Variants in ZC3H15 observed in about 807,000 individuals in gnomAD.
ZC3H15 encodes the protein zinc finger CCCH domain-containing protein 15.
A neutral mutation model predicts 51.2 loss-of-function variants in ZC3H15; 15 were observed. That is an observed-to-expected ratio of 0.29 (90% confidence interval 0.20 to 0.45). The LOEUF is 0.45. Ranked by LOEUF, ZC3H15 falls within the 20% of genes least tolerant of loss-of-function variation. ZC3H15 has a pLI of 1.00. For synonymous variants in ZC3H15, 144 were observed against 162.8 expected, an observed-to-expected ratio of 0.88 and a Z score of 0.88; for missense variants, 381 against 494.7, an observed-to-expected ratio of 0.77 and a Z score of 2.18.
intron 1 of ZC3H15, 58 bp from the exon 2 acceptor site, chr2:186,495,175 G>T: frequency 1.1e-6 from 1 of 942,242 alleles, no homozygotes; most frequent in Non-Finnish European, 1.5e-6. Context: ...AGATATCATT[G>T]GAGGATATAT....
In ZC3H15 at chr2:186,506,843, A is replaced by C. The variant is rs367640839; in HGVS notation, c.1090+7A>C. 2 of 1,606,170 alleles carry C rather than the reference A, an allele frequency of 1.2e-6. No homozygotes were observed. Among genetic ancestry groups the C allele is most frequent in the African/African-American group, 1.3e-5 (1 of 74,448 alleles). ...TATACTTCAGATAAAGATGGTAAGT[A>C]TGCTAACTTTTGCCTAATTTTAAGA... is the stretch of plus-strand genomic sequence containing the variant. On this transcript the variant is annotated splice_region_variant and intron_variant, in intron 9 of 9. Transcript: ENST00000337859.
At chr2:186,486,655 A>G (rs891031767) in intron 1 of ZC3H15, among the ~76,000 whole-genome samples, 198 bp downstream of exon 1, 1 of 152,040 alleles carries the variant, frequency 6.6e-6, no homozygotes, top group African/African-American at 2.4e-5. Flanking sequence ...GCGCCCCCGC[A>G]CCTGGGCTTT....
chr2:186,492,306 G>A (rs1006611423), intron 1 of ZC3H15, among the ~76,000 whole-genome samples: 6 of 152,172 alleles, frequency 3.9e-5, no homozygotes, highest in Admixed American at 2.0e-4. Context: ...TCATCTGTAT[G>A]TATCACATTA....
chr2:186,504,130 T>C lies in ZC3H15; in HGVS notation c.633T>C (p.Leu211=). Residue 211 remains leucine (L), a synonymous_variant, in exon 6 of 10, where the codon CTT becomes CTC. Transcript: ENST00000337859. ...GGDICMYRHA[L]PPGFVLKKDK... Reference sequence around the variant, plus strand: ...ATATTTGCATGTATCGTCATGCACTTCCTCCTGGATTTGTGTTGAAAAAAG... The same window carrying C: ...ATATTTGCATGTATCGTCATGCACTCCCTCCTGGATTTGTGTTGAAAAAAG... 1 of 1,610,932 alleles carries C rather than the reference T, an allele frequency of 6.2e-7. No homozygotes were observed.
At position 186,486,581 on chromosome 2, in the gene ZC3H15, G is replaced by A. The variant is rs1308144104; in HGVS notation, c.75+124G>A. ...CGTGTTCCTCCCTTAGGCCTGTGTG[G>A]CCCACTGCCCCTTCTCCAGCCCCTG... On this transcript the variant is annotated intron_variant, in intron 1 of 9. Transcript: ENST00000337859. The A allele has an allele frequency of 9.3e-6, 9 of 970,906 alleles. No homozygotes were observed. In the Admixed American group the frequency reaches 2.1e-4, roughly 22 times the overall value. The allele number at this position is 970,906 out of a possible 1,614,324, so 60.1% of individuals were successfully genotyped here.
In ZC3H15 at chr2:186,508,810, G is replaced by A; in HGVS notation, c.*77G>A. On this transcript the variant is annotated 3_prime_UTR_variant, in exon 10 of 10. Transcript: ENST00000337859. ...GACTACATTAATTTCTTTCCACCTAGAATCAACAGGATGTTTATTTCCTAT... is the reference window on the plus strand; with the variant it reads ...GACTACATTAATTTCTTTCCACCTAAAATCAACAGGATGTTTATTTCCTAT... The A allele has an allele frequency of 6.9e-7, 1 of 1,458,506 alleles. No homozygotes were observed. Among genetic ancestry groups the A allele is most frequent in the South Asian group, 1.2e-5 (1 of 80,022 alleles). The allele number at this position is 1,458,506 out of a possible 1,614,324, so 90.3% of individuals were successfully genotyped here.
Position 186,501,290 on chromosome 2 carries a change from G to C in ZC3H15, c.307G>C (p.Val103Leu). The change falls in exon 4 of 10, where the codon GTA becomes CTA. Residue 103 changes from valine to leucine, a missense_variant. Transcript: ENST00000337859. ...KISKGADPKS[V>L]VCAFFKQGQC... The stretch of plus-strand genomic sequence containing the variant: ...TGACATAGGTGCAGATCCCAAGTCT[G>C]TAGTATGTGCATTCTTCAAGCAAGG... 13 of 1,609,872 alleles carry C rather than the reference G, an allele frequency of 8.1e-6. No homozygotes were observed. Among genetic ancestry groups the C allele is most frequent in the Non-Finnish European group, 1.1e-5 (13 of 1,178,046 alleles).
Position 186,500,175 on chromosome 2 carries a change from A to G in ZC3H15, c.178-7A>G. 1 of 1,592,456 alleles carries G rather than the reference A, an allele frequency of 6.3e-7. No homozygotes were observed. The highest frequency in any genetic ancestry group is 8.5e-7 in the Non-Finnish European group (1 of 1,174,428). ...AAATTTACATTTTAAACCTGGGAATATTATAGGTAGCACAGAGTGAAGCTG... is the reference window on the plus strand; with the variant it reads ...AAATTTACATTTTAAACCTGGGAATGTTATAGGTAGCACAGAGTGAAGCTG... On this transcript the variant is annotated splice_polypyrimidine_tract_variant and splice_region_variant and intron_variant, in intron 2 of 9. Transcript: ENST00000337859.
In ZC3H15 at chr2:186,505,403, A is replaced by G. The variant is rs1038621977; in HGVS notation, c.718-48A>G. On this transcript the variant is annotated intron_variant, in intron 6 of 9. Transcript: ENST00000337859. ...TAAGAGATAACTGCAACTAAGCACT[A>G]TTTGAGGTGACTTCTGTGGAAAAAA... is the stretch of plus-strand genomic sequence containing the variant. The G allele has an allele frequency of 2.7e-6, 4 of 1,508,102 alleles. No individual in the cohort carries two copies. The African/African-American group carries it at 5.6e-5, about 21-fold the overall frequency. 93.4% of individuals were successfully genotyped at this position (1,508,102 alleles called of 1,614,324 possible).
At chr2:186,486,769 T>C in intron 1 of ZC3H15, 1 of 332,302 alleles carries the variant, frequency 3.0e-6, no homozygotes, top group Non-Finnish European at 5.5e-6. Context: ...CCTCTCAGAA[T>C]TGAGGAGATT....
chr2:186,503,940 A>T, intron 5 of ZC3H15, 92 bp from the exon 6 acceptor site: 2 of 1,009,524 alleles, frequency 2.0e-6, no homozygotes, highest in Non-Finnish European at 2.8e-6. Flanking sequence ...AATATAACGT[A>T]CTTGTGTGTA....
intron 8 of ZC3H15, 37 bp downstream of exon 8, chr2:186,505,878 A>G (rs762704875): frequency 4.4e-6 from 7 of 1,595,236 alleles, no homozygotes; most frequent in Admixed American, 1.7e-5. Context: ...CCTTATGTTA[A>G]TTGAAAGAAA....
At chr2:186,507,433 G>A (rs2105595287) in intron 9 of ZC3H15, 1 of 456,612 alleles carries the variant, frequency 2.2e-6, no homozygotes, top group Non-Finnish European at 4.4e-6. Flanking sequence ...TTTAGGATAT[G>A]GAAAACCTAA....
At chr2:186,492,780 T>G (rs1430900243) in intron 1 of ZC3H15, among the ~76,000 whole-genome samples, 1 of 152,194 alleles carries the variant, frequency 6.6e-6, no homozygotes, top group East Asian at 1.9e-4. Flanking sequence ...TTCTTTCTAC[T>G]CATTATTACT....
intron 2 of ZC3H15, chr2:186,499,674 G>A (rs1273319499): frequency 1.6e-5 from 7 of 436,162 alleles, no homozygotes; most frequent in East Asian, 7.1e-5. Flanking sequence ...TATGTAAATC[G>A]TGTGCCTGGA....
chr2:186,503,263 C>T (rs576179396), intron 5 of ZC3H15, among the ~76,000 whole-genome samples: 105 of 152,324 alleles, frequency 6.9e-4, no homozygotes, highest in Middle Eastern at 3.4e-3. Flanking sequence ...ATTGTATCTT[C>T]TATCCATGTT....
At position 186,505,793 on chromosome 2, in the gene ZC3H15, T is replaced by G; in HGVS notation, c.918T>G (p.Asp306Glu). 1 of 1,614,082 alleles carries G rather than the reference T, an allele frequency of 6.2e-7. No homozygotes were observed. The highest frequency in any genetic ancestry group is 1.3e-5 in the African/African-American group (1 of 75,038). ...GTCCTGAACTGGTCAATGATGATGA[T>G]GAGGAAGCAGATGATACCCGCTACA... ...EFRPELVNDD[D>E]EEADDTRYTQ... is the part of the protein sequence containing the mutation. Residue 306 changes from aspartate to glutamate, a missense_variant, in exon 8 of 10, where the codon GAT becomes GAG. Coordinates refer to ENST00000337859, the MANE Select transcript of ZC3H15 (RefSeq NM_018471.3).
At chr2:186,508,022 A>T (rs1407778822) in intron 9 of ZC3H15, among the ~76,000 whole-genome samples, 1 of 152,196 alleles carries the variant, frequency 6.6e-6, no homozygotes, top group African/African-American at 2.4e-5. Context: ...GTTATTTATA[A>T]CCTATAAGAA....
At chr2:186,503,950 A>G in intron 5 of ZC3H15, 82 bp from the exon 6 acceptor site, 2 of 1,160,340 alleles carry the variant, frequency 1.7e-6, no homozygotes, top group Admixed American at 2.7e-5. Context: ...ACTTGTGTGT[A>G]TACTTGTTCC....
Sources: allele counts gnomAD v4.1 joint callset (sites outside exome capture counted in the v4.1 genomes callset), GRCh38; gene constraint gnomAD v4.1.1; transcripts MANE v1.5; gene names NCBI Gene and HGNC (gene_info 2026-07-23, HGNC 2026-07-21).